The following CLCN5 variants were observed in gnomAD, a reference collection of about 807,000 sequenced individuals.
CLCN5 encodes the protein H(+)/Cl(-) exchange transporter 5.
Under a neutral mutation model 54.0 loss-of-function variants are expected in CLCN5, and 17 were observed. The observed-to-expected ratio is 0.31, with a 90% CI of 0.22 to 0.47. The LOEUF (loss-of-function observed/expected upper bound fraction) is 0.47, where lower values mean the gene tolerates loss of function less well. Ranked by LOEUF, CLCN5 falls within the 20% of genes least tolerant of loss-of-function variation. The pLI is 1.00. For synonymous variants in CLCN5, 222 were observed against 233.0 expected (o/e 0.95, Z 0.43); for missense variants, 448 against 646.7 (o/e 0.69, Z 3.33).
chrX:50,059,966 A>T (rs1252931310), intron 4 of CLCN5, among the ~76,000 whole-genome samples: 3 of 104,099 alleles, frequency 2.9e-5, no homozygotes, highest in Non-Finnish European at 3.9e-5. Context: ...CTTATAGATA[A>T]TGTAAATCAT....
chrX:50,038,955 T>G (rs1932105599), intron 3 of CLCN5, among the ~76,000 whole-genome samples: 1 of 111,602 alleles, frequency 9.0e-6, no homozygotes, highest in Admixed American at 9.5e-5. Flanking sequence ...TGGTCTTGTC[T>G]GCTGCTAACA....
At chrX:50,007,757 T>C (rs1322078808) in intron 3 of CLCN5, among the ~76,000 whole-genome samples, 1 of 111,856 alleles carries the variant, frequency 8.9e-6, no homozygotes, top group African/African-American at 3.2e-5. Flanking sequence ...GGTAAAAATA[T>C]TGACGGCTGT....
intron 3 of CLCN5, among the ~76,000 whole-genome samples, chrX:49,961,725 T>A (rs969901656): frequency 5.3e-5 from 6 of 112,271 alleles, no homozygotes; most frequent in Admixed American, 4.7e-4. Flanking sequence ...TGTTTTCTCT[T>A]GAGAAGCAGT....
At chrX:49,974,556 A>G (rs1928389380) in intron 3 of CLCN5, among the ~76,000 whole-genome samples, 1 of 111,708 alleles carries the variant, frequency 9.0e-6, no homozygotes, top group African/African-American at 3.3e-5. Flanking sequence ...ACCCATTTAA[A>G]GATGAGGAAA....
chrX:49,940,111 G>A (rs1926248774), intron 3 of CLCN5, among the ~76,000 whole-genome samples: 1 of 111,422 alleles, frequency 9.0e-6, no homozygotes. Context: ...CTAGCTATGT[G>A]ATGTGAGGCC....
chrX:50,084,045 G>A (rs782626541), intron 9 of CLCN5, among the ~76,000 whole-genome samples: 21 of 112,183 alleles, frequency 1.9e-4, no homozygotes, highest in African/African-American at 6.8e-4. Flanking sequence ...TCAATGACAG[G>A]GATATGTTAT....
At chrX:50,016,554 T>C (rs1344196314) in intron 3 of CLCN5, among the ~76,000 whole-genome samples, 2 of 109,517 alleles carry the variant, frequency 1.8e-5, no homozygotes, top group East Asian at 2.8e-4. Context: ...GTATTATAAC[T>C]ATTATTAAAT....
intron 4 of CLCN5, among the ~76,000 whole-genome samples, chrX:50,053,617 G>T (rs1932658827): frequency 9.0e-6 from 1 of 110,784 alleles, no homozygotes. Context: ...ATTGATTTTA[G>T]ATCTTCTTTC....
intron 3 of CLCN5, among the ~76,000 whole-genome samples, chrX:50,025,903 A>G (rs1020116714): frequency 1.2e-4 from 13 of 110,870 alleles, no homozygotes; most frequent in African/African-American, 4.3e-4. Context: ...AAGTTTTATT[A>G]CTTCTTCTCT....
At chrX:49,994,900 C>A (rs782136583) in intron 3 of CLCN5, among the ~76,000 whole-genome samples, 1 of 112,033 alleles carries the variant, frequency 8.9e-6, no homozygotes, top group Non-Finnish European at 1.9e-5. Context: ...AACTAAGATG[C>A]AGAAACATTA....
At chrX:50,050,799 G>GCT (rs1557188265) in intron 4 of CLCN5, among the ~76,000 whole-genome samples, 1 of 108,158 alleles carries the variant, frequency 9.2e-6, no homozygotes, top group East Asian at 2.9e-4. Context: ...GAGTAGCTGG[G>GCT]ACTACAGGTG....
intron 3 of CLCN5, among the ~76,000 whole-genome samples, chrX:50,021,277 G>T (rs1931087653): frequency 1.1e-5 from 1 of 88,874 alleles, no homozygotes; most frequent in Non-Finnish European, 2.1e-5. Flanking sequence ...CTCTCTGTTT[G>T]TCTGTTGTTG....
rs1223337512 is a variant in CLCN5 at position 50,098,532 on chromosome X, G to A, written c.*6313G>A. On this transcript the variant is annotated 3_prime_UTR_variant, in exon 15 of 15. Coordinates refer to ENST00000376091, the MANE Select transcript of CLCN5 (RefSeq NM_001127898.4). ...TGTAGGGCTGGCTCCAACTGCAGTAGCCAAAGAAAACCTGTCTGACTCGAC... is the reference window on the plus strand; with the variant it reads ...TGTAGGGCTGGCTCCAACTGCAGTAACCAAAGAAAACCTGTCTGACTCGAC... 2 of 113,183 alleles carry A rather than the reference G, an allele frequency of 1.8e-5. No homozygotes were observed. The highest frequency in any genetic ancestry group is 3.7e-5 in the Non-Finnish European group (2 of 53,420). 9.3% of individuals were successfully genotyped at this position (113,183 alleles called of 1,213,427 possible). A position where few individuals can be genotyped will look rare whatever the true frequency, so the allele number is the denominator to read the frequency against.
intron 3 of CLCN5, among the ~76,000 whole-genome samples, chrX:49,989,949 G>T (rs1174291421): frequency 1.8e-5 from 2 of 111,456 alleles, no homozygotes; most frequent in Admixed American, 9.5e-5. Context: ...GGTTCAGTCT[G>T]CACACTCCTT....
At chrX:49,998,104 C>A (rs1398473450) in intron 3 of CLCN5, among the ~76,000 whole-genome samples, 2 of 111,042 alleles carry the variant, frequency 1.8e-5, no homozygotes, top group African/African-American at 6.6e-5. Flanking sequence ...CTGAGCTCAG[C>A]ACTGGTCATA....
chrX:50,003,604 C>T (rs369720332), intron 3 of CLCN5: 1 of 346,315 alleles, frequency 2.9e-6, no homozygotes, highest in Non-Finnish European at 5.9e-6. Flanking sequence ...TTTCCTTGCT[C>T]TCTTGTGCAT....
intron 4 of CLCN5, among the ~76,000 whole-genome samples, chrX:50,046,018 A>G (rs782473108): frequency 3.6e-4 from 40 of 112,494 alleles, no homozygotes; most frequent in Non-Finnish European, 6.6e-4. Flanking sequence ...CTTGTTTTCC[A>G]GATGGCTAGA....
intron 3 of CLCN5, among the ~76,000 whole-genome samples, chrX:49,928,704 T>G (rs1339639544): frequency 9.0e-6 from 1 of 111,455 alleles, no homozygotes; most frequent in African/African-American, 3.3e-5. Context: ...GGCGGGCGGA[T>G]CACGAGGTCA....
At chrX:49,975,180 T>C (rs531937869) in intron 3 of CLCN5, among the ~76,000 whole-genome samples, 1 of 111,667 alleles carries the variant, frequency 9.0e-6, no homozygotes, top group East Asian at 2.8e-4. Flanking sequence ...AATCAGACCT[T>C]GGCAATGACC....
Sources: gnomAD v4.1 joint callset for allele counts (sites outside exome capture counted in the v4.1 genomes callset) on GRCh38, gnomAD v4.1.1 for gene constraint, MANE v1.5 for transcripts, NCBI Gene and HGNC (gene_info 2026-07-23, HGNC 2026-07-21) for gene names.